SNF8: variants seen among roughly 807,000 people sequenced by gnomAD.
SNF8 encodes the protein vacuolar-sorting protein SNF8.
In SNF8, 19 loss-of-function variants were observed where a neutral mutation model predicts 36.8. The observed-to-expected ratio is 0.52, with a 90% CI of 0.36 to 0.76. SNF8 has a LOEUF of 0.76. Among genes scored for constraint, SNF8 ranks in the 30% least tolerant of loss-of-function variants. The pLI is 0.00. For missense variants in SNF8, 268 were observed against 322.9 expected, an observed-to-expected ratio of 0.83 and a Z score of 1.30; for synonymous variants, 127 against 127.4, an observed-to-expected ratio of 1.00 and a Z score of 0.02.
intron 2 of SNF8, among the ~76,000 whole-genome samples, chr17:48,941,863 G>C (rs1269858205): frequency 1.3e-5 from 2 of 151,950 alleles, no homozygotes; most frequent in African/African-American, 4.8e-5. Context: ...GCTAATTTTT[G>C]TATTTTTAGT....
At chr17:48,944,016 G>A (rs757665162) in intron 1 of SNF8, 41 bp from the exon 2 acceptor site, 2 of 1,600,544 alleles carry the variant, frequency 1.2e-6, no homozygotes, top group African/African-American at 2.7e-5. Context: ...GAGAGTGGGC[G>A]CTGGAGGCCA....
chr17:48,944,076 G>A (rs2041069282), intron 1 of SNF8, 101 bp from the exon 2 acceptor site: 2 of 1,056,590 alleles, frequency 1.9e-6, no homozygotes, highest in East Asian at 5.1e-5. Flanking sequence ...CGCCGAGGCG[G>A]GCGGATCACG....
intron 5 of SNF8, 127 bp downstream of exon 5, chr17:48,936,043 C>A: frequency 7.2e-6 from 4 of 551,762 alleles, no homozygotes; most frequent in Admixed American, 3.5e-5. Flanking sequence ...TTTTTTTTTT[C>A]CTGTATGATA....
Position 48,944,798 on chromosome 17 carries a change from G to A in SNF8, c.-64C>T, listed in dbSNP as rs2041082427. ...CCCGGGTCTCCACGTCCCGGACTCC[G>A]CCGCCGGCTCCCCAAGGCGGAAGCC... On this transcript the variant is annotated 5_prime_UTR_variant, in exon 1 of 8. Coordinates refer to ENST00000502492, the MANE Select transcript of SNF8 (RefSeq NM_007241.4). 2 of 1,488,278 alleles carry A rather than the reference G, an allele frequency of 1.3e-6. No individual in the cohort carries two copies. Among genetic ancestry groups the A allele is most frequent in the Non-Finnish European group, 1.8e-6 (2 of 1,129,874 alleles). 92.2% of individuals were successfully genotyped at this position (1,488,278 alleles called of 1,614,324 possible).
intron 3 of SNF8, 94 bp downstream of exon 3, chr17:48,940,830 A>C: frequency 7.0e-7 from 1 of 1,425,514 alleles, no homozygotes; most frequent in South Asian, 1.3e-5. Flanking sequence ...AGGCCTTTCT[A>C]GTGGATGCCC....
At chr17:48,936,283 C>G in intron 4 of SNF8, 41 bp from the exon 5 acceptor site, 1 of 1,492,354 alleles carries the variant, frequency 6.7e-7, no homozygotes, top group Non-Finnish European at 9.3e-7. Flanking sequence ...AAAGAGATTA[C>G]CCACTTTAAA....
rs2040904114 is a variant in SNF8, at chr17:48,934,345, G to A, written c.423-999C>T. On this transcript the variant is annotated intron_variant, in intron 5 of 7. Coordinates refer to ENST00000502492, the MANE Select transcript of SNF8 (RefSeq NM_007241.4). ...TTTTTTTTTTAGGAGATGAGGTCTT[G>A]GCTGGGCGCGGTGGCTCACGCCTGT... is the stretch of plus-strand genomic sequence containing the variant. The A allele has an allele frequency of 3.3e-5, 5 of 150,880 alleles. 1 individual carries two copies. In the Admixed American group the frequency reaches 3.3e-4, roughly 10 times the overall value. The allele number at this position is 150,880 out of a possible 1,614,324, so 9.3% of individuals were successfully genotyped here. A position where few individuals can be genotyped will look rare whatever the true frequency, so the allele number is the denominator to read the frequency against.
chr17:48,939,140 C>G (rs961970592), intron 3 of SNF8, among the ~76,000 whole-genome samples: 3 of 151,602 alleles, frequency 2.0e-5, no homozygotes, highest in African/African-American at 4.8e-5. Context: ...TGCCTATAGT[C>G]CCAGCTAGCT....
At chr17:48,943,365 C>T (rs2041059300) in intron 2 of SNF8, among the ~76,000 whole-genome samples, 1 of 152,196 alleles carries the variant, frequency 6.6e-6, no homozygotes, top group African/African-American at 2.4e-5. Flanking sequence ...AATTCCAGCA[C>T]TCTGGGAAGC....
chr17:48,936,547 T>C (rs2040936986), intron 4 of SNF8: 1 of 324,588 alleles, frequency 3.1e-6, no homozygotes, highest in African/African-American at 2.2e-5. Flanking sequence ...TTGTAAATGG[T>C]TTTAAGTTTT....
intron 7 of SNF8, 93 bp downstream of exon 7, chr17:48,931,550 G>A: frequency 2.9e-6 from 3 of 1,043,524 alleles, no homozygotes; most frequent in Admixed American, 4.2e-5. Context: ...CAGAAGGCCA[G>A]CAAAGCAATG....
chr17:48,930,380 CTTT>C lies in SNF8; in HGVS notation c.*92_*94del. 7.7e-7 allele frequency: 1 copy of C among 1,307,158 alleles called. No homozygotes were observed. 81.0% of individuals were successfully genotyped at this position (1,307,158 alleles called of 1,614,324 possible). The stretch of plus-strand genomic sequence containing the variant: ...TGAGGGAAGAAAGAAAAACTTGGAA[CTTT>C]TTTTCTATTTTTTGTATAAACAAAA... On this transcript the variant is annotated 3_prime_UTR_variant, in exon 8 of 8. Coordinates refer to ENST00000502492, the MANE Select transcript of SNF8 (RefSeq NM_007241.4).
At chr17:48,941,146 G>C (rs945134607) in intron 2 of SNF8, 84 bp from the exon 3 acceptor site, 2 of 1,509,358 alleles carry the variant, frequency 1.3e-6, no homozygotes, top group Non-Finnish European at 1.8e-6. Context: ...CCCTGTGGCA[G>C]GGCAAAGGCT....
intron 7 of SNF8, 71 bp from the exon 8 acceptor site, chr17:48,930,683 C>T: frequency 4.0e-6 from 6 of 1,483,602 alleles, no homozygotes; most frequent in South Asian, 1.3e-5. Context: ...GGTAAGCAAC[C>T]CCCACACCTA....
At position 48,931,724 on chromosome 17, in the gene SNF8, G is replaced by A; in HGVS notation, c.565-7C>T. The A allele has an allele frequency of 6.2e-7, 1 of 1,611,448 alleles. No homozygotes were observed. Among genetic ancestry groups the A allele is most frequent in the Non-Finnish European group, 8.5e-7 (1 of 1,178,312 alleles). On this transcript the variant is annotated splice_region_variant and splice_polypyrimidine_tract_variant and intron_variant, in intron 6 of 7. Transcript: ENST00000502492. ...CAGTCACGTAGCCATTCTTCTGAAG[G>A]AAGGAGGAATGGGGATTGAATCAGT...
chr17:48,942,864 T>C (rs968654934), intron 2 of SNF8, among the ~76,000 whole-genome samples: 2 of 128,170 alleles, frequency 1.6e-5, no homozygotes, highest in Non-Finnish European at 3.3e-5. Flanking sequence ...TTTTTTTTTT[T>C]TTTTTTTTTG....
chr17:48,941,433 T>G (rs1255780583), intron 2 of SNF8, among the ~76,000 whole-genome samples: 1 of 152,156 alleles, frequency 6.6e-6, no homozygotes, highest in Non-Finnish European at 1.5e-5. Flanking sequence ...ACGTATTAAT[T>G]TGAAGATGTA....
chr17:48,930,720 TA>T lies in SNF8; in HGVS notation c.640-109del, dbSNP rs769732020. ...TTTGGCTTCAGTGAGGTTTTCAAAC[TA>T]AATCTACTAAGTGCCTTCAAACCTT... On this transcript the variant is annotated intron_variant, in intron 7 of 7. Coordinates refer to ENST00000502492, the MANE Select transcript of SNF8 (RefSeq NM_007241.4). 8.6e-5 allele frequency: 100 copies of T among 1,156,392 alleles called. 1 individual carries two copies. Among genetic ancestry groups the T allele is most frequent in the East Asian group, 7.5e-4 (31 of 41,352 alleles). 71.6% of individuals were successfully genotyped at this position (1,156,392 alleles called of 1,614,324 possible).
chr17:48,930,301 A>T lies in SNF8; in HGVS notation c.*174T>A. The T allele has an allele frequency of 1.6e-6, 1 of 617,782 alleles. No homozygotes were observed. Among genetic ancestry groups the T allele is most frequent in the South Asian group, 2.7e-5 (1 of 36,930 alleles). The allele number at this position is 617,782 out of a possible 1,614,324, so 38.3% of individuals were successfully genotyped here. A position where few individuals can be genotyped will look rare whatever the true frequency, so the allele number is the denominator to read the frequency against. On this transcript the variant is annotated 3_prime_UTR_variant, in exon 8 of 8. Transcript: ENST00000502492. ...TCAGATTATGCTTACTGAACGAGCG[A>T]GGTTTTCCTCCAATAAAAATGCAAC...
Sources: gnomAD v4.1 joint callset for allele counts (sites outside exome capture counted in the v4.1 genomes callset) on GRCh38, gnomAD v4.1.1 for gene constraint, MANE v1.5 for transcripts, NCBI Gene and HGNC (gene_info 2026-07-23, HGNC 2026-07-21) for gene names.